The following KLHL29 variants were observed in gnomAD, a reference collection of about 807,000 sequenced individuals.
KLHL29 encodes the protein kelch like family member 29, also known as kelch-like protein 29.
Under a neutral mutation model 80.4 loss-of-function variants are expected in KLHL29, and 21 were observed. The ratio of observed to expected loss-of-function variants is 0.26; its 90% CI spans 0.19 to 0.38. The LOEUF (loss-of-function observed/expected upper bound fraction) is 0.38. Ranked by LOEUF, KLHL29 falls within the 10% of genes least tolerant of loss-of-function variation. The pLI is 1.00. For missense variants in KLHL29, 867 were observed against 1,223.9 expected, an observed-to-expected ratio of 0.71 and a Z score of 4.35; for synonymous variants, 511 against 526.8, an observed-to-expected ratio of 0.97 and a Z score of 0.41.
chr2:23,576,688 T>G (rs1288166420), intron 3 of KLHL29, among the ~76,000 whole-genome samples: 2 of 152,216 alleles, frequency 1.3e-5, no homozygotes, highest in Non-Finnish European at 2.9e-5. Context: ...GCACGGCCGA[T>G]GGCTTTGTAA....
chr2:23,441,918 A>C (rs1001073068), intron 1 of KLHL29, among the ~76,000 whole-genome samples: 2 of 152,204 alleles, frequency 1.3e-5, no homozygotes, highest in Admixed American at 1.3e-4. Flanking sequence ...AAAACCAGTC[A>C]CATAGTATGA....
At chr2:23,599,607 C>T (rs1668516626) in intron 3 of KLHL29, among the ~76,000 whole-genome samples, 1 of 151,246 alleles carries the variant, frequency 6.6e-6, no homozygotes, top group Non-Finnish European at 1.5e-5. Context: ...TACTTTAGTC[C>T]ATGTGTGTAC....
At chr2:23,593,625 C>G (rs544965327) in intron 3 of KLHL29, among the ~76,000 whole-genome samples, 1 of 152,336 alleles carries the variant, frequency 6.6e-6, no homozygotes, top group South Asian at 2.1e-4. Flanking sequence ...GGACGTCAGA[C>G]CCCTCGGGGA....
At chr2:23,538,373 A>C (rs1666740852) in intron 2 of KLHL29, among the ~76,000 whole-genome samples, 1 of 152,206 alleles carries the variant, frequency 6.6e-6, no homozygotes, top group Non-Finnish European at 1.5e-5. Context: ...GGAATTCCTA[A>C]TTCTCCCTCC....
In KLHL29 at chr2:23,670,915, GCGCTCT is replaced by G. The variant is rs1670705809; in HGVS notation, c.941-13482_941-13477del. ...GGGAGGGGTCTCTACACACATGCAC[GCGCTCT>G]CTCTCTCTCTCTCTCTCTCTCTCTC... On this transcript the variant is annotated intron_variant, in intron 5 of 13. Coordinates refer to ENST00000486442, the MANE Select transcript of KLHL29 (RefSeq NM_052920.2). Among the ~76,000 whole-genome samples the G allele has an allele frequency of 1.8e-4, 5 of 27,070 alleles. No individual in the cohort carries two copies. The East Asian group carries it at 0.013, about 68-fold the overall frequency. The allele number at this position is 27,070 out of a possible 152,430, so 17.8% of individuals were successfully genotyped here.
At chr2:23,481,311 C>T (rs1200346936) in intron 2 of KLHL29, among the ~76,000 whole-genome samples, 1 of 152,156 alleles carries the variant, frequency 6.6e-6, no homozygotes, top group African/African-American at 2.4e-5. Flanking sequence ...AACATTCCCT[C>T]CTCCGTTTCC....
At chr2:23,388,144 CT>C (rs1666231227) in intron 1 of KLHL29, among the ~76,000 whole-genome samples, 1 of 151,928 alleles carries the variant, frequency 6.6e-6, no homozygotes, top group Non-Finnish European at 1.5e-5. Flanking sequence ...AGTGTTGTGT[CT>C]TTTTAATTAT....
intron 6 of KLHL29, among the ~76,000 whole-genome samples, chr2:23,687,539 A>C (rs1671321037): frequency 6.6e-6 from 1 of 152,216 alleles, no homozygotes; most frequent in South Asian, 2.1e-4. Flanking sequence ...GCCGGGGCTC[A>C]CACCAAACAC....
At chr2:23,547,102 G>A (rs1709304) in intron 2 of KLHL29, among the ~76,000 whole-genome samples, 75,626 of 152,046 alleles carry the variant, frequency 0.5, 21,369 homozygotes, top group East Asian at 0.91. Context: ...GCGGAAGGAG[G>A]GCCGGCACCG....
chr2:23,576,024 GC>G (rs932821463), intron 3 of KLHL29, among the ~76,000 whole-genome samples: 2 of 152,240 alleles, frequency 1.3e-5, no homozygotes, highest in African/African-American at 4.8e-5. Context: ...GCTGAGGGGG[GC>G]CGCGCCCAGT....
At chr2:23,574,868 G>A (rs555005078) in intron 3 of KLHL29, among the ~76,000 whole-genome samples, 2 of 152,290 alleles carry the variant, frequency 1.3e-5, no homozygotes, top group East Asian at 3.9e-4. Flanking sequence ...GTCACAGGGA[G>A]CAGAACAGAA....
chr2:23,585,075 A>G (rs1668084868), intron 3 of KLHL29, among the ~76,000 whole-genome samples: 1 of 152,222 alleles, frequency 6.6e-6, no homozygotes, highest in African/African-American at 2.4e-5. Context: ...CAGAAGACAC[A>G]GACCGTAGTA....
At chr2:23,632,040 C>T (rs536655137) in intron 3 of KLHL29, among the ~76,000 whole-genome samples, 37 of 152,320 alleles carry the variant, frequency 2.4e-4, no homozygotes, top group African/African-American at 8.2e-4. Context: ...CCTCGCCCAA[C>T]ACCAACTGAA....
At chr2:23,397,015 G>T (rs1032306472) in intron 1 of KLHL29, among the ~76,000 whole-genome samples, 2 of 152,116 alleles carry the variant, frequency 1.3e-5, no homozygotes, top group African/African-American at 2.4e-5. Flanking sequence ...GGCCCCAGGT[G>T]TCTGACAAGG....
At chr2:23,482,508 C>T (rs1277580946) in intron 2 of KLHL29, among the ~76,000 whole-genome samples, 1 of 152,188 alleles carries the variant, frequency 6.6e-6, no homozygotes, top group Non-Finnish European at 1.5e-5. Context: ...CTCTTTCTAA[C>T]TTGCACAAAA....
intron 3 of KLHL29, among the ~76,000 whole-genome samples, chr2:23,584,515 A>G (rs1308964721): frequency 6.6e-6 from 1 of 152,166 alleles, no homozygotes; most frequent in Admixed American, 6.5e-5. Context: ...ACTTGAGTTT[A>G]ATTTCTTTGG....
At chr2:23,535,018 G>C (rs1666620200) in intron 2 of KLHL29, among the ~76,000 whole-genome samples, 1 of 152,200 alleles carries the variant, frequency 6.6e-6, no homozygotes, top group Admixed American at 6.5e-5. Flanking sequence ...TGGTGGTTAG[G>C]CAGGTGCATG....
intron 2 of KLHL29, among the ~76,000 whole-genome samples, chr2:23,555,170 C>G (rs1042564005): frequency 5.3e-5 from 8 of 152,030 alleles, no homozygotes; most frequent in Non-Finnish European, 1.2e-4. Flanking sequence ...TGAGACCACC[C>G]TACAGGATCC....
intron 12 of KLHL29, 141 bp downstream of exon 12, chr2:23,703,520 GC>G: frequency 9.4e-7 from 1 of 1,066,248 alleles, no homozygotes; most frequent in Non-Finnish European, 1.3e-6. Context: ...GAGTTGCCGA[GC>G]CCCCAGCTCA....
Sources: gnomAD v4.1 joint callset for allele counts (sites outside exome capture counted in the v4.1 genomes callset) on GRCh38, gnomAD v4.1.1 for gene constraint, MANE v1.5 for transcripts, NCBI Gene and HGNC (gene_info 2026-07-23, HGNC 2026-07-21) for gene names.